Variants in ITGB6 observed in about 807,000 individuals in gnomAD.
The protein encoded by ITGB6 is integrin subunit beta 6.
A neutral mutation model predicts 84.5 loss-of-function variants in ITGB6; 80 were observed. The observed-to-expected ratio is 0.95, with a 90% CI of 0.79 to 1.14. The LOEUF is 1.14. ITGB6 is among the 50% of genes most tolerant of loss of function. The probability of loss-of-function intolerance (pLI) is 0.00; values close to 1 mark genes in which losing one functional copy is unlikely to be tolerated. For synonymous variants in ITGB6, 383 were observed against 354.9 expected (o/e 1.08, Z -0.89); for missense variants, 1,006 against 968.0 (o/e 1.04, Z -0.52).
chr2:160,147,678 TA>T (rs1684251998), intron 7 of ITGB6, among the ~76,000 whole-genome samples: 1 of 152,092 alleles, frequency 6.6e-6, no homozygotes, highest in Admixed American at 6.5e-5. Context: ...CCTACATAAA[TA>T]TAGTCAACTG....
chr2:160,122,545 G>C (rs1171945448), intron 12 of ITGB6, among the ~76,000 whole-genome samples: 1 of 152,166 alleles, frequency 6.6e-6, no homozygotes, highest in Non-Finnish European at 1.5e-5. Flanking sequence ...CTAGGACTTT[G>C]CACCAGGTAC....
chr2:160,196,075 T>C, intron 3 of ITGB6, 141 bp downstream of exon 3: 1 of 744,448 alleles, frequency 1.3e-6, no homozygotes, highest in Non-Finnish European at 2.2e-6. Flanking sequence ...GTGAGCCTAA[T>C]AATTTTCTAT....
rs116332671 is a variant in ITGB6 at position 160,113,905 on chromosome 2, C to A, written c.1982-1706G>T. Among the ~76,000 whole-genome samples the A allele has an allele frequency of 5.5e-3, 837 of 152,216 alleles. 11 individuals carry two copies. The highest frequency in any genetic ancestry group is 0.019 in the African/African-American group (809 of 41,526). On this transcript the variant is annotated intron_variant, in intron 12 of 14. Coordinates refer to ENST00000283249, the MANE Select transcript of ITGB6 (RefSeq NM_000888.5). ...GGTTCATGAAGTCTTGGGGACTATG[C>A]GTTTTCTTCTTGGACTGTTTTCTTG...
At chr2:160,108,836 G>A (rs6729540) in intron 13 of ITGB6, among the ~76,000 whole-genome samples, 5 of 152,102 alleles carry the variant, frequency 3.3e-5, no homozygotes, top group Non-Finnish European at 5.9e-5. Flanking sequence ...TATACAGTAC[G>A]TTTCCTAATT....
chr2:160,138,713 C>A (rs146153653), intron 8 of ITGB6, among the ~76,000 whole-genome samples: 2 of 152,290 alleles, frequency 1.3e-5, no homozygotes, highest in East Asian at 3.9e-4. Context: ...CATTCCTCCA[C>A]CAATGAATAT....
intron 8 of ITGB6, among the ~76,000 whole-genome samples, chr2:160,140,214 C>G (rs1399728289): frequency 6.6e-6 from 1 of 152,144 alleles, no homozygotes; most frequent in Non-Finnish European, 1.5e-5. Context: ...CCCTGTGAAT[C>G]ATAAAGCTCC....
At chr2:160,141,598 C>T (rs552185377) in intron 8 of ITGB6, among the ~76,000 whole-genome samples, 1 of 152,260 alleles carries the variant, frequency 6.6e-6, no homozygotes, top group Non-Finnish European at 1.5e-5. Context: ...ATCGTCAAGC[C>T]TGTAGAGTTA....
At chr2:160,181,533 C>T (rs755397939) in intron 4 of ITGB6, among the ~76,000 whole-genome samples, 2 of 152,164 alleles carry the variant, frequency 1.3e-5, no homozygotes, top group Non-Finnish European at 2.9e-5. Context: ...GACAGAGCAC[C>T]TGGGGAAAGG....
Position 160,107,757 on chromosome 2 carries a change from C to T in ITGB6, c.2190G>A (p.Trp730Ter). ...GATCATGAAATGACACCAGTAGCTT[C>T]CAGATGCACAGTAGGACAACCCCGA... ...LLIGVVLLCI[W>*]KLLVSFHDRK... Residue 730 changes from tryptophan to a stop codon, truncating the protein, a stop_gained, in exon 14 of 15, where the codon TGG becomes TGA. Transcript: ENST00000283249. LOFTEE classifies it high-confidence loss of function. 6.2e-7 allele frequency: 1 copy of T among 1,614,030 alleles called. No homozygotes were observed. The highest frequency in any genetic ancestry group is 8.5e-7 in the Non-Finnish European group (1 of 1,179,930).
chr2:160,161,457 A>T (rs991847142), intron 7 of ITGB6, among the ~76,000 whole-genome samples: 3 of 152,050 alleles, frequency 2.0e-5, no homozygotes, highest in Non-Finnish European at 4.4e-5. Context: ...CACTTGGCTG[A>T]TTTTTGTATT....
At chr2:160,185,280 A>C (rs1399668479) in intron 4 of ITGB6, among the ~76,000 whole-genome samples, 4 of 152,244 alleles carry the variant, frequency 2.6e-5, no homozygotes, top group Admixed American at 6.5e-5. Flanking sequence ...ACTTCAGCAA[A>C]GTCTCAGGAT....
intron 7 of ITGB6, among the ~76,000 whole-genome samples, chr2:160,145,930 G>A (rs1054584439): frequency 6.6e-6 from 1 of 152,106 alleles, no homozygotes; most frequent in Non-Finnish European, 1.5e-5. Context: ...CTGTCTGCTG[G>A]GTCAGTGTTT....
chr2:160,147,097 A>AG (rs1553482609), intron 7 of ITGB6, among the ~76,000 whole-genome samples: 25 of 151,642 alleles, frequency 1.6e-4, no homozygotes, highest in African/African-American at 6.1e-4. Flanking sequence ...AAAAAAAAAA[A>AG]AAAAGAAAGA....
At chr2:160,194,515 G>A (rs796924689) in intron 4 of ITGB6, among the ~76,000 whole-genome samples, 8 of 152,018 alleles carry the variant, frequency 5.3e-5, no homozygotes, top group African/African-American at 1.9e-4. Context: ...ATGTGGCCCT[G>A]GGCAAATAGC....
intron 4 of ITGB6, among the ~76,000 whole-genome samples, chr2:160,180,341 C>T (rs1685615799): frequency 6.6e-6 from 1 of 152,162 alleles, no homozygotes; most frequent in Non-Finnish European, 1.5e-5. Flanking sequence ...GCCTTGGACA[C>T]TCTCTATGTT....
chr2:160,166,405 C>T (rs1455824844), intron 7 of ITGB6, among the ~76,000 whole-genome samples: 1 of 152,114 alleles, frequency 6.6e-6, no homozygotes, highest in Non-Finnish European at 1.5e-5. Flanking sequence ...ATTTTAAAGC[C>T]TTGGAAATAG....
chr2:160,127,748 A>C (rs545149177), intron 10 of ITGB6, among the ~76,000 whole-genome samples: 9 of 152,388 alleles, frequency 5.9e-5, no homozygotes, highest in Admixed American at 2.6e-4. Flanking sequence ...GAAAGCACGT[A>C]AAAGATATTT....
intron 7 of ITGB6, among the ~76,000 whole-genome samples, chr2:160,152,988 A>G (rs953004897): frequency 1.3e-5 from 2 of 152,244 alleles, no homozygotes; most frequent in Non-Finnish European, 2.9e-5. Context: ...GGAAGAATCA[A>G]TATTGTGAAA....
intron 8 of ITGB6, among the ~76,000 whole-genome samples, chr2:160,140,987 T>G (rs1240613417): frequency 6.6e-6 from 1 of 152,190 alleles, no homozygotes; most frequent in Admixed American, 6.5e-5. Context: ...TTTTAAAAAC[T>G]TTCCGTGTTG....
Sources: allele counts gnomAD v4.1 joint callset (sites outside exome capture counted in the v4.1 genomes callset), GRCh38; gene constraint gnomAD v4.1.1; transcripts MANE v1.5; gene names NCBI Gene and HGNC (gene_info 2026-07-23, HGNC 2026-07-21).